Variants in ASIC2 observed in about 807,000 individuals in gnomAD.
ASIC2 encodes acid-sensing ion channel 2.
ASIC2 carries 25 observed loss-of-function variants against 57.3 expected under a neutral mutation model. The observed-to-expected ratio is 0.44, with a 90% CI of 0.32 to 0.61. The LOEUF is 0.61. ASIC2 is among the 20% of genes least tolerant of loss of function. The probability of loss-of-function intolerance (pLI) is 0.06; values close to 1 mark genes in which losing one functional copy is unlikely to be tolerated. For synonymous variants in ASIC2, 319 were observed against 307.5 expected (o/e 1.04, Z -0.39); for missense variants, 641 against 738.1 (o/e 0.87, Z 1.52).
At chr17:33,380,603 C>T (rs1445289462) in intron 1 of ASIC2, among the ~76,000 whole-genome samples, 6 of 152,190 alleles carry the variant, frequency 3.9e-5, no homozygotes, top group South Asian at 2.1e-4. Context: ...GCCAAGCTGT[C>T]GCTGGAAAGT....
In ASIC2 at chr17:33,578,921, G is replaced by A. The variant is rs571289235; in HGVS notation, c.556-466854C>T. Among the ~76,000 whole-genome samples, 14 of 152,322 alleles carry A rather than the reference G, an allele frequency of 9.2e-5. No homozygotes were observed. In the East Asian group the frequency reaches 1.4e-3, roughly 15 times the overall value. On this transcript the variant is annotated intron_variant, in intron 1 of 9. Coordinates refer to the ASIC2 transcript ENST00000359872. Reference sequence around the variant, plus strand: ...CAGCAGGCAAGAAAAGATGGATGGGGTCAGAATTCTCTAGCTTCTGCTGCT... The same window carrying A: ...CAGCAGGCAAGAAAAGATGGATGGGATCAGAATTCTCTAGCTTCTGCTGCT...
At chr17:33,740,770 G>C (rs1910085982) in intron 1 of ASIC2, among the ~76,000 whole-genome samples, 2 of 152,188 alleles carry the variant, frequency 1.3e-5, no homozygotes, top group Non-Finnish European at 2.9e-5. Flanking sequence ...CTCCCTCAGA[G>C]ATTCAGCTGC....
At chr17:33,821,934 A>T (rs913341465) in intron 1 of ASIC2, among the ~76,000 whole-genome samples, 1 of 152,172 alleles carries the variant, frequency 6.6e-6, no homozygotes, top group African/African-American at 2.4e-5. Context: ...CTGTGGTAAC[A>T]GTCTTCTGTT....
intron 1 of ASIC2, among the ~76,000 whole-genome samples, chr17:33,481,445 G>A (rs187883780): frequency 3.3e-5 from 5 of 152,204 alleles, no homozygotes; most frequent in East Asian, 3.9e-4. Flanking sequence ...TTTCACCTTT[G>A]TCTTTGTTGA....
intron 1 of ASIC2, among the ~76,000 whole-genome samples, chr17:33,922,663 A>G (rs1210571552): frequency 1.3e-5 from 2 of 152,188 alleles, no homozygotes; most frequent in Non-Finnish European, 2.9e-5. Flanking sequence ...ATATTTATAA[A>G]CAATTCTAGG....
At chr17:33,155,528 C>CTTTT (rs796954505) in intron 1 of ASIC2, among the ~76,000 whole-genome samples, 1 of 142,100 alleles carries the variant, frequency 7.0e-6, no homozygotes, top group African/African-American at 2.6e-5. Context: ...ACAAGCCTTA[C>CTTTT]TTTTTTTTTT....
intron 1 of ASIC2, among the ~76,000 whole-genome samples, chr17:33,944,524 G>A (rs1321590051): frequency 2.0e-5 from 3 of 152,202 alleles, no homozygotes; most frequent in South Asian, 2.1e-4. Context: ...CAAGGCAGTC[G>A]AGTAGGGCTG....
intron 1 of ASIC2, among the ~76,000 whole-genome samples, chr17:33,157,462 T>A (rs115506033): frequency 6.6e-6 from 1 of 152,100 alleles, no homozygotes; most frequent in Non-Finnish European, 1.5e-5. Flanking sequence ...ATTCCAAAAC[T>A]CTTCATCTGC....
In ASIC2 at chr17:33,014,101, G is replaced by T. The variant is rs757915580; in HGVS notation, c.1591-35C>A. On this transcript the variant is annotated intron_variant, in intron 9 of 9. Coordinates refer to ENST00000225823, the MANE Select transcript of ASIC2 (RefSeq NM_183377.2). ...AAGGGTTGGTGGGAGTTTATTATTC[G>T]CTCAGCAAAAATTCTTCATGATGCC... 5.3e-6 allele frequency: 8 copies of T among 1,518,708 alleles called. No homozygotes were observed. In the African/African-American group the frequency reaches 5.5e-5, roughly 10 times the overall value. The allele number at this position is 1,518,708 out of a possible 1,614,324, so 94.1% of individuals were successfully genotyped here.
chr17:33,457,598 A>G (rs930696003), intron 1 of ASIC2, among the ~76,000 whole-genome samples: 3 of 152,212 alleles, frequency 2.0e-5, no homozygotes, highest in African/African-American at 7.2e-5. Flanking sequence ...TTAGTCTATA[A>G]AGGTAGTAGT....
chr17:33,585,853 T>C (rs1207563129), intron 1 of ASIC2, among the ~76,000 whole-genome samples: 1 of 152,216 alleles, frequency 6.6e-6, no homozygotes, highest in Non-Finnish European at 1.5e-5. Flanking sequence ...TACATATATG[T>C]CTTGAAAGCT....
intron 1 of ASIC2, among the ~76,000 whole-genome samples, chr17:33,338,768 C>A (rs982937977): frequency 6.6e-6 from 1 of 152,060 alleles, no homozygotes; most frequent in East Asian, 1.9e-4. Flanking sequence ...AAAAAGCTGT[C>A]TAAAAAGACT....
intron 1 of ASIC2, chr17:33,932,741 A>AAAAAAAAGTATATATATAT (rs1555572867): frequency 1.7e-5 from 1 of 58,716 alleles, no homozygotes; most frequent in Non-Finnish European, 3.1e-5. Context: ...AAAAAAAAAA[A>AAAAAAAAGTATATATATAT]ATATATATAT....
intron 1 of ASIC2, among the ~76,000 whole-genome samples, chr17:33,687,762 T>C (rs1012735136): frequency 1.3e-5 from 2 of 152,190 alleles, no homozygotes; most frequent in Admixed American, 1.3e-4. Flanking sequence ...TGCTGAGGGA[T>C]GGTCACAGCC....
intron 1 of ASIC2, among the ~76,000 whole-genome samples, chr17:33,380,267 A>G (rs1198413418): frequency 6.8e-6 from 1 of 146,720 alleles, no homozygotes; most frequent in Non-Finnish European, 1.5e-5. Context: ...AAAAAAAAAA[A>G]AGAAAGAAAG....
intron 1 of ASIC2, among the ~76,000 whole-genome samples, chr17:33,912,123 G>C (rs1253874620): frequency 2.8e-5 from 3 of 108,976 alleles, no homozygotes; most frequent in Non-Finnish European, 5.1e-5. Flanking sequence ...CTGGGTAACA[G>C]AGTGAGACTC....
At chr17:33,980,507 AG>A (rs1179813197) in intron 1 of ASIC2, among the ~76,000 whole-genome samples, 25 of 152,344 alleles carry the variant, frequency 1.6e-4, no homozygotes, top group Non-Finnish European at 2.5e-4. Flanking sequence ...GGCAGGGGAA[AG>A]GATGAGAATC....
At chr17:33,369,726 C>T (rs917603506) in intron 1 of ASIC2, among the ~76,000 whole-genome samples, 36 of 152,320 alleles carry the variant, frequency 2.4e-4, no homozygotes, top group African/African-American at 8.4e-4. Flanking sequence ...AGAGGCAGAG[C>T]TGGCATTCCA....
chr17:33,404,884 A>C (rs531362474), intron 1 of ASIC2, among the ~76,000 whole-genome samples: 4 of 152,272 alleles, frequency 2.6e-5, no homozygotes, highest in African/African-American at 9.6e-5. Flanking sequence ...TTTCCATGTG[A>C]CCCAATATAG....
Sources: allele counts gnomAD v4.1 joint callset (sites outside exome capture counted in the v4.1 genomes callset), GRCh38; gene constraint gnomAD v4.1.1; transcripts MANE v1.5; gene names NCBI Gene and HGNC (gene_info 2026-07-23, HGNC 2026-07-21).